HS3ST5: variants seen among roughly 807,000 people sequenced by gnomAD.
The protein encoded by HS3ST5 is heparan sulfate-glucosamine 3-sulfotransferase 5, also known as heparan sulfate glucosamine 3-O-sulfotransferase 5.
In HS3ST5, 10 loss-of-function variants were observed where a neutral mutation model predicts 25.4. The ratio of observed to expected loss-of-function variants is 0.39; its 90% CI spans 0.24 to 0.67. The LOEUF is 0.67. Ranked by LOEUF, HS3ST5 falls within the 30% of genes least tolerant of loss-of-function variation. The pLI, the probability that HS3ST5 is intolerant of heterozygous loss-of-function variation, is 0.44. For missense variants in HS3ST5, 324 were observed against 420.7 expected (o/e 0.77, Z 2.01); for synonymous variants, 170 against 162.4 (o/e 1.05, Z -0.36).
chr6:114,276,811 CT>C (rs1474206182), intron 1 of HS3ST5, among the ~76,000 whole-genome samples: 2 of 151,778 alleles, frequency 1.3e-5, no homozygotes, highest in Non-Finnish European at 2.9e-5. Context: ...GCATTTGTTC[CT>C]TTTTTCCTAC....
intron 1 of HS3ST5, among the ~76,000 whole-genome samples, chr6:114,320,912 C>A (rs796970302): frequency 0.058 from 6,789 of 116,302 alleles, 175 homozygotes; most frequent in African/African-American, 0.082. Context: ...CTCTCTCTCT[C>A]TCTATATATA....
intron 1 of HS3ST5, among the ~76,000 whole-genome samples, chr6:114,314,454 T>C (rs540354276): frequency 2.0e-5 from 3 of 152,336 alleles, no homozygotes; most frequent in South Asian, 2.1e-4. Context: ...ATGTTGAAGT[T>C]GAAATCCATA....
chr6:114,118,192 G>A (rs1018382846), intron 3 of HS3ST5, among the ~76,000 whole-genome samples: 1 of 152,112 alleles, frequency 6.6e-6, no homozygotes, highest in Non-Finnish European at 1.5e-5. Flanking sequence ...TGACCTTGAG[G>A]TACCATTGAG....
intron 3 of HS3ST5, among the ~76,000 whole-genome samples, chr6:114,096,834 TG>T (rs1775455414): frequency 6.6e-6 from 1 of 152,138 alleles, no homozygotes; most frequent in African/African-American, 2.4e-5. Context: ...AAAAATGCTC[TG>T]TAATTTAAAG....
At chr6:114,227,924 T>C (rs1052581322) in intron 2 of HS3ST5, among the ~76,000 whole-genome samples, 16 of 152,066 alleles carry the variant, frequency 1.1e-4, no homozygotes, top group African/African-American at 3.9e-4. Context: ...AATTAGCCCA[T>C]CATACTGAAC....
chr6:114,298,162 G>T (rs57397327), intron 1 of HS3ST5, among the ~76,000 whole-genome samples: 9,211 of 152,162 alleles, frequency 0.061, 860 homozygotes, highest in African/African-American at 0.2. Flanking sequence ...CTATTAGAAG[G>T]TATAATTTAT....
intron 1 of HS3ST5, among the ~76,000 whole-genome samples, chr6:114,339,100 A>T (rs1237847558): frequency 6.6e-6 from 1 of 152,142 alleles, no homozygotes; most frequent in Non-Finnish European, 1.5e-5. Flanking sequence ...ATCTCAGAAT[A>T]TGAAAATATT....
chr6:114,301,272 G>A (rs972487421), intron 1 of HS3ST5, among the ~76,000 whole-genome samples: 4 of 152,100 alleles, frequency 2.6e-5, no homozygotes, highest in African/African-American at 9.7e-5. Context: ...TTCATTTTTA[G>A]TTCATCTTTG....
chr6:114,334,624 TC>T (rs1390276625), intron 1 of HS3ST5, among the ~76,000 whole-genome samples: 1 of 152,232 alleles, frequency 6.6e-6, no homozygotes, highest in African/African-American at 2.4e-5. Context: ...CTTACAGTAT[TC>T]AGTATAGTCA....
intron 1 of HS3ST5, among the ~76,000 whole-genome samples, chr6:114,312,982 C>T (rs745309804): frequency 1.5e-5 from 2 of 137,424 alleles, no homozygotes; most frequent in African/African-American, 2.9e-5. Flanking sequence ...CATGATCATG[C>T]CACTGCACTC....
chr6:114,087,838 T>C (rs988611485), intron 3 of HS3ST5, among the ~76,000 whole-genome samples: 3 of 152,168 alleles, frequency 2.0e-5, no homozygotes, highest in African/African-American at 7.2e-5. Flanking sequence ...GATACACATC[T>C]ACATACAAAA....
chr6:114,177,201 A>G (rs1288961815), intron 2 of HS3ST5, among the ~76,000 whole-genome samples: 1 of 152,190 alleles, frequency 6.6e-6, no homozygotes, highest in East Asian at 1.9e-4. Flanking sequence ...CACAAGAATA[A>G]CCCTTGAAAT....
intron 3 of HS3ST5, among the ~76,000 whole-genome samples, chr6:114,091,317 T>C (rs1218162870): frequency 2.0e-5 from 3 of 152,228 alleles, no homozygotes; most frequent in Admixed American, 2.0e-4. Flanking sequence ...AGTCTTCAGA[T>C]GCCAGTCTCA....
chr6:114,071,383 A>G (rs1562184195), intron 3 of HS3ST5, among the ~76,000 whole-genome samples: 1 of 152,180 alleles, frequency 6.6e-6, no homozygotes, highest in Non-Finnish European at 1.5e-5. Context: ...CTGCTCTCAG[A>G]TTCCTTGGGA....
At chr6:114,081,941 C>G (rs574819235) in intron 3 of HS3ST5, among the ~76,000 whole-genome samples, 12 of 152,246 alleles carry the variant, frequency 7.9e-5, no homozygotes, top group Non-Finnish European at 1.8e-4. Flanking sequence ...GCAATCATCA[C>G]CATAATTAAC....
chr6:114,175,916 T>C (rs1423776592), intron 2 of HS3ST5, among the ~76,000 whole-genome samples: 1 of 152,198 alleles, frequency 6.6e-6, no homozygotes, highest in East Asian at 1.9e-4. Flanking sequence ...TGGTATTCCT[T>C]TGTCTCTTTA....
intron 2 of HS3ST5, among the ~76,000 whole-genome samples, chr6:114,196,410 G>A (rs73540368): frequency 0.014 from 2,097 of 152,148 alleles, 58 homozygotes; most frequent in African/African-American, 0.049. Flanking sequence ...TTCCATACCC[G>A]TCCTTCCGCT....
intron 2 of HS3ST5, among the ~76,000 whole-genome samples, chr6:114,193,459 T>C (rs1484837585): frequency 6.6e-6 from 1 of 152,180 alleles, no homozygotes; most frequent in Non-Finnish European, 1.5e-5. Flanking sequence ...GGGACTACAA[T>C]GGCTGTGGTA....
At chr6:114,276,295 C>T (rs117394474) in intron 1 of HS3ST5, among the ~76,000 whole-genome samples, 2,007 of 152,016 alleles carry the variant, frequency 0.013, 21 homozygotes, top group Non-Finnish European at 0.022. Context: ...TAGAGTACTA[C>T]GCTGTAAAAG....
Sources: gnomAD v4.1 joint callset for allele counts (sites outside exome capture counted in the v4.1 genomes callset) on GRCh38, gnomAD v4.1.1 for gene constraint, MANE v1.5 for transcripts, NCBI Gene and HGNC (gene_info 2026-07-23, HGNC 2026-07-21) for gene names.